Variants in DMD observed in about 807,000 individuals in gnomAD.
DMD encodes dystrophin.
Under a neutral mutation model 330.1 loss-of-function variants are expected in DMD, and 63 were observed. That is an observed-to-expected ratio of 0.19 (90% CI 0.16 to 0.24). The LOEUF (loss-of-function observed/expected upper bound fraction) is 0.24. DMD is among the 10% of genes least tolerant of loss of function. The probability of loss-of-function intolerance (pLI) is 1.00; values close to 1 mark genes in which losing one functional copy is unlikely to be tolerated. For synonymous variants in DMD, 1,223 were observed against 959.8 expected (o/e 1.27, Z -5.07); for missense variants, 3,344 against 2,684.1 (o/e 1.25, Z -5.43).
chrX:31,963,393 A>T lies in DMD; in HGVS notation c.6614+4946T>A, dbSNP rs148540222. 3.8e-3 allele frequency among the ~76,000 whole-genome samples: 422 copies of T among 112,193 alleles called. 4 individuals carry two copies. The highest frequency in any genetic ancestry group is 0.013 in the African/African-American group (390 of 30,918). On this transcript the variant is annotated intron_variant, in intron 45 of 78. Coordinates refer to ENST00000357033, the MANE Select transcript of DMD (RefSeq NM_004006.3). ...GGTTTAAAGGAGTAGTAACTTAATG[A>T]CCGTACATGAAGTCTCACACAAGAA...
intron 44 of DMD, among the ~76,000 whole-genome samples, chrX:32,211,297 C>T (rs1185495611): frequency 8.9e-6 from 1 of 111,888 alleles, no homozygotes; most frequent in African/African-American, 3.2e-5. Flanking sequence ...ATAAGTTTTT[C>T]AACATTTGAT....
chrX:32,019,567 T>C (rs751254115), intron 44 of DMD, among the ~76,000 whole-genome samples: 2 of 112,326 alleles, frequency 1.8e-5, no homozygotes, highest in Non-Finnish European at 3.8e-5. Flanking sequence ...AAGGTATTCA[T>C]GTTTTAGTCA....
chrX:32,332,413 A>AGTGTGTGTGTGT (rs111973319), intron 41 of DMD, among the ~76,000 whole-genome samples: 4,586 of 95,253 alleles, frequency 0.048, 150 homozygotes, highest in East Asian at 0.12. Context: ...ATGGATAAAA[A>AGTGTGTGTGTGT]GTGTGTGTGT....
intron 44 of DMD, among the ~76,000 whole-genome samples, chrX:32,071,401 C>T (rs914346803): frequency 6.5e-5 from 7 of 107,037 alleles, no homozygotes; most frequent in African/African-American, 2.4e-4. Context: ...AGCAAACTAT[C>T]GCAAGGACAA....
At chrX:31,277,118 T>G (rs1348647194) in intron 62 of DMD, among the ~76,000 whole-genome samples, 1 of 111,705 alleles carries the variant, frequency 9.0e-6, no homozygotes, top group Non-Finnish European at 1.9e-5. Flanking sequence ...ATGTATACAC[T>G]GTGGAATGGC....
At chrX:32,769,894 C>A (rs183162635) in intron 7 of DMD, among the ~76,000 whole-genome samples, 2 of 110,669 alleles carry the variant, frequency 1.8e-5, no homozygotes, top group East Asian at 5.7e-4. Context: ...ATGGAATAGT[C>A]ATCTTTAAGT....
intron 34 of DMD, among the ~76,000 whole-genome samples, chrX:32,368,571 T>C (rs144216261): frequency 1.3e-3 from 151 of 111,921 alleles, no homozygotes; most frequent in African/African-American, 4.7e-3. Flanking sequence ...GCTCTAATAG[T>C]TTCCCACAAC....
chrX:31,737,065 G>A (rs1319799339), intron 51 of DMD, among the ~76,000 whole-genome samples: 1 of 111,871 alleles, frequency 8.9e-6, no homozygotes, highest in Non-Finnish European at 1.9e-5. Context: ...ATTACTCTGT[G>A]AGGTGGGTAC....
At chrX:32,968,951 C>A (rs1432710705) in intron 2 of DMD, among the ~76,000 whole-genome samples, 3 of 95,915 alleles carry the variant, frequency 3.1e-5, no homozygotes, top group African/African-American at 1.2e-4. Context: ...TTGCTTGAAA[C>A]CCGGAGGCAG....
intron 60 of DMD, among the ~76,000 whole-genome samples, chrX:31,362,589 C>CTT (rs1258158442): frequency 1.8e-5 from 2 of 112,646 alleles, no homozygotes; most frequent in African/African-American, 6.4e-5. Context: ...GAATACTTAA[C>CTT]TTGTTTTCCG....
chrX:32,215,574 T>A (rs1453867708), intron 44 of DMD, among the ~76,000 whole-genome samples: 1 of 111,614 alleles, frequency 9.0e-6, no homozygotes, highest in East Asian at 2.8e-4. Flanking sequence ...TTACTTGATT[T>A]TTTTCACAAT....
At chrX:32,087,336 T>C (rs755380654) in intron 44 of DMD, among the ~76,000 whole-genome samples, 2 of 111,871 alleles carry the variant, frequency 1.8e-5, no homozygotes, top group South Asian at 7.4e-4. Context: ...GAAGTACATG[T>C]GGGAAAATGC....
At chrX:32,512,101 A>C (rs2045402548) in intron 18 of DMD, among the ~76,000 whole-genome samples, 1 of 112,130 alleles carries the variant, frequency 8.9e-6, no homozygotes, top group Admixed American at 9.4e-5. Flanking sequence ...TATAATATTC[A>C]ATAAAAGGAA....
intron 9 of DMD, among the ~76,000 whole-genome samples, chrX:32,670,699 C>T (rs2061579110): frequency 8.9e-6 from 1 of 112,127 alleles, no homozygotes; most frequent in Admixed American, 9.5e-5. Context: ...AACATGAAAC[C>T]ACTGGTTGAG....
At chrX:32,502,189 T>G (rs182573760) in intron 18 of DMD, among the ~76,000 whole-genome samples, 69 of 111,848 alleles carry the variant, frequency 6.2e-4, no homozygotes, top group African/African-American at 2.0e-3. Context: ...AAATTTATCT[T>G]TTAAAGATAC....
intron 7 of DMD, among the ~76,000 whole-genome samples, chrX:32,783,726 G>A (rs951560980): frequency 1.6e-4 from 18 of 110,894 alleles, no homozygotes; most frequent in African/African-American, 5.9e-4. Context: ...GATGTGCATA[G>A]GTTATATGCA....
chrX:33,325,608 T>C (rs1004884212), intron 1 of DMD, among the ~76,000 whole-genome samples: 3 of 112,357 alleles, frequency 2.7e-5, no homozygotes, highest in African/African-American at 9.7e-5. Flanking sequence ...GCTGGCATTA[T>C]ACATCTGCTA....
intron 44 of DMD, among the ~76,000 whole-genome samples, chrX:32,182,631 A>AT (rs1461394103): frequency 9.0e-6 from 1 of 111,472 alleles, no homozygotes; most frequent in Non-Finnish European, 1.9e-5. Flanking sequence ...TATTAATAAG[A>AT]TTTTTTTATA....
At chrX:31,544,493 C>T (rs1365715992) in intron 55 of DMD, among the ~76,000 whole-genome samples, 1 of 110,235 alleles carries the variant, frequency 9.1e-6, no homozygotes, top group Admixed American at 9.7e-5. Context: ...CCTTACTATA[C>T]TGGAAGGAAA....
Sources: gnomAD v4.1 joint callset for allele counts (sites outside exome capture counted in the v4.1 genomes callset) on GRCh38, gnomAD v4.1.1 for gene constraint, MANE v1.5 for transcripts, NCBI Gene and HGNC (gene_info 2026-07-23, HGNC 2026-07-21) for gene names.